Variants in ARMC2 observed in about 807,000 individuals in gnomAD.
ARMC2 encodes armadillo repeat containing 2, also known as armadillo repeat-containing protein 2.
In ARMC2, 67 loss-of-function variants were observed where a neutral mutation model predicts 90.3. The observed-to-expected ratio is 0.74, with a 90% CI of 0.61 to 0.91. ARMC2 has a LOEUF of 0.91. Among genes scored for constraint, ARMC2 ranks in the 40% least tolerant of loss-of-function variants. The pLI is 0.00. For missense variants in ARMC2, 920 were observed against 1,030.9 expected (o/e 0.89, Z 1.47); for synonymous variants, 393 against 393.0 (o/e 1.00, Z 0.00).
At chr6:108,901,968 G>A (rs1337803251) in intron 7 of ARMC2, among the ~76,000 whole-genome samples, 4 of 152,226 alleles carry the variant, frequency 2.6e-5, no homozygotes, top group African/African-American at 9.6e-5. Flanking sequence ...CTCCAGGTTA[G>A]CATCTTGGGC....
intron 10 of ARMC2, among the ~76,000 whole-genome samples, chr6:108,926,955 A>T (rs1417384541): frequency 1.4e-5 from 2 of 141,352 alleles, no homozygotes; most frequent in Non-Finnish European, 3.1e-5. Context: ...CTGTGTTTTC[A>T]GGGTAGTCAG....
the ARMC2 span, among the ~76,000 whole-genome samples, chr6:109,046,445 C>A: frequency 6.7e-6 from 1 of 149,690 alleles, no homozygotes; most frequent in East Asian, 2.0e-4. Context: ...ACCTACACCT[C>A]CCAGCCGCCT....
chr6:108,908,645 G>A (rs1030024292), intron 8 of ARMC2, among the ~76,000 whole-genome samples: 1 of 152,004 alleles, frequency 6.6e-6, no homozygotes, highest in African/African-American at 2.4e-5. Flanking sequence ...CTGCTCTGGC[G>A]GCTGAGGCAA....
chr6:108,951,875 A>G (rs544974674), intron 12 of ARMC2, among the ~76,000 whole-genome samples: 1 of 152,320 alleles, frequency 6.6e-6, no homozygotes, highest in Non-Finnish European at 1.5e-5. Context: ...TTAAAAGGAG[A>G]TAATTCTTTA....
chr6:108,962,226 C>T (rs758996696), intron 15 of ARMC2, 99 bp downstream of exon 15: 35 of 990,634 alleles, frequency 3.5e-5, no homozygotes, highest in African/African-American at 1.5e-4. Flanking sequence ...TACTTGTTTC[C>T]GTTTTGAGAT....
chr6:108,993,249 C>T, the ARMC2 span, among the ~76,000 whole-genome samples: 170 of 152,224 alleles, frequency 1.1e-3, 1 homozygote, highest in African/African-American at 4.0e-3. Context: ...CAAAAATCAG[C>T]TATGCTCCAA....
chr6:109,046,100 GC>G, the ARMC2 span, among the ~76,000 whole-genome samples: 1 of 151,924 alleles, frequency 6.6e-6, no homozygotes, highest in East Asian at 1.9e-4. Flanking sequence ...TGTAGCTCTA[GC>G]CCTCTCCCTC....
intron 13 of ARMC2, among the ~76,000 whole-genome samples, chr6:108,958,068 A>G (rs1033581870): frequency 2.0e-5 from 3 of 152,144 alleles, no homozygotes; most frequent in Admixed American, 6.5e-5. Context: ...AAATTCATCT[A>G]TGAAGTCCTA....
At chr6:108,860,944 T>A (rs1466034596) in intron 3 of ARMC2, among the ~76,000 whole-genome samples, 2 of 152,088 alleles carry the variant, frequency 1.3e-5, no homozygotes, top group Non-Finnish European at 2.9e-5. Context: ...TCAATTAACA[T>A]CCATGTTTAT....
At chr6:108,952,346 G>A (rs1250488865) in intron 12 of ARMC2, among the ~76,000 whole-genome samples, 3 of 152,152 alleles carry the variant, frequency 2.0e-5, no homozygotes, top group Non-Finnish European at 4.4e-5. Context: ...TGCATAAAAC[G>A]GGTATGCACA....
At chr6:108,962,442 C>CA (rs1380130282) in intron 15 of ARMC2, among the ~76,000 whole-genome samples, 1 of 152,164 alleles carries the variant, frequency 6.6e-6, no homozygotes, top group Non-Finnish European at 1.5e-5. Context: ...ATGTCTATTA[C>CA]ATTTTGCTTA....
chr6:109,039,709 C>T, the ARMC2 span, among the ~76,000 whole-genome samples: 22 of 152,194 alleles, frequency 1.4e-4, no homozygotes, highest in East Asian at 1.2e-3. Flanking sequence ...TTACTAGAAA[C>T]GAGAACCAGT....
intron 5 of ARMC2, among the ~76,000 whole-genome samples, chr6:108,879,455 C>A (rs1777288373): frequency 6.6e-6 from 1 of 151,754 alleles, no homozygotes; most frequent in Admixed American, 6.6e-5. Context: ...ATTCACCCAT[C>A]CCCCATCCAT....
chr6:109,050,148 G>A, the ARMC2 span, among the ~76,000 whole-genome samples: 7 of 152,112 alleles, frequency 4.6e-5, no homozygotes, highest in Non-Finnish European at 8.8e-5. Context: ...GGTTTTATGG[G>A]ATGACACAAT....
At chr6:108,876,899 A>G (rs923741361) in intron 5 of ARMC2, among the ~76,000 whole-genome samples, 1 of 152,182 alleles carries the variant, frequency 6.6e-6, no homozygotes, top group Non-Finnish European at 1.5e-5. Flanking sequence ...ATTTCATACC[A>G]TGTTCCTAGA....
chr6:108,910,951 T>C lies in ARMC2; in HGVS notation c.1076T>C (p.Ile359Thr). The change falls in exon 9 of 18, where the codon ATT becomes ACT. Residue 359 changes from isoleucine to threonine, a missense_variant. Transcript: ENST00000392644. Reference protein sequence around the residue: ...LLNVCKLIFKISRNEKNDSLI... With the variant: ...LLNVCKLIFKTSRNEKNDSLI... ...AATGTCTGCAAACTTATATTTAAAA[T>C]TAGCAGGAATGAGAAGAATGATTCT... 1 of 1,585,226 alleles carries C rather than the reference T, an allele frequency of 6.3e-7. No individual in the cohort carries two copies. Among genetic ancestry groups the C allele is most frequent in the Non-Finnish European group, 8.6e-7 (1 of 1,165,578 alleles).
At chr6:108,902,941 G>A (rs1363571078) in intron 7 of ARMC2, among the ~76,000 whole-genome samples, 2 of 152,118 alleles carry the variant, frequency 1.3e-5, no homozygotes, top group African/African-American at 4.8e-5. Context: ...GCTGAGGCAA[G>A]CAGATCACTT....
chr6:108,984,019 C>T, the ARMC2 span, among the ~76,000 whole-genome samples: 2 of 152,206 alleles, frequency 1.3e-5, no homozygotes, highest in Non-Finnish European at 2.9e-5. Context: ...GTCTGATCAG[C>T]TGCAGCACTG....
At chr6:108,989,538 G>T in the ARMC2 span, among the ~76,000 whole-genome samples, 23 of 103,824 alleles carry the variant, frequency 2.2e-4, no homozygotes, top group African/African-American at 3.1e-4. Context: ...TATAGAGATA[G>T]AGATATCTCT....
Sources: gnomAD v4.1 joint callset for allele counts (sites outside exome capture counted in the v4.1 genomes callset) on GRCh38, gnomAD v4.1.1 for gene constraint, MANE v1.5 for transcripts, NCBI Gene and HGNC (gene_info 2026-07-23, HGNC 2026-07-21) for gene names.